The following TENM2 variants were observed in gnomAD, a reference collection of about 807,000 sequenced individuals.
TENM2 encodes the protein teneurin transmembrane protein 2.
A neutral mutation model predicts 245.2 loss-of-function variants in TENM2; 52 were observed. The observed-to-expected ratio is 0.21, with a 90% CI of 0.17 to 0.27. TENM2 has a LOEUF of 0.27. Among genes scored for constraint, TENM2 ranks in the 10% least tolerant of loss-of-function variants. The pLI, the probability that TENM2 is intolerant of heterozygous loss-of-function variation, is 1.00. For synonymous variants in TENM2, 1,363 were observed against 1,438.9 expected, an observed-to-expected ratio of 0.95 and a Z score of 1.19; for missense variants, 3,046 against 3,666.8, an observed-to-expected ratio of 0.83 and a Z score of 4.37.
chr5:167,917,947 T>A (rs1777072651), intron 3 of TENM2, among the ~76,000 whole-genome samples: 1 of 152,222 alleles, frequency 6.6e-6, no homozygotes, highest in Non-Finnish European at 1.5e-5. Context: ...ATTATTATTA[T>A]TATTGGTTAG....
In TENM2 at chr5:168,127,454, A is replaced by G. The variant is rs577015856; in HGVS notation, c.2422+488A>G. 1.6e-3 allele frequency among the ~76,000 whole-genome samples: 250 copies of G among 152,170 alleles called. 2 individuals are homozygous for G. The highest frequency in any genetic ancestry group is 5.9e-3 in the African/African-American group (245 of 41,502). On this transcript the variant is annotated intron_variant, in intron 12 of 28. Transcript: ENST00000518659. ...TAAGGTCCTGAGATTCCCCATCACC[A>G]CCACCGTCATTACATGTCTCCTCCT... is the stretch of plus-strand genomic sequence containing the variant.
At chr5:168,123,133 G>GAT (rs1795588022) in intron 10 of TENM2, among the ~76,000 whole-genome samples, 2 of 100,700 alleles carry the variant, frequency 2.0e-5, no homozygotes, top group African/African-American at 8.1e-5. Context: ...CCCATTTCTA[G>GAT]AGAAAAAAAA....
intron 14 of TENM2, among the ~76,000 whole-genome samples, chr5:168,194,595 A>G (rs745410551): frequency 1.3e-5 from 2 of 152,160 alleles, no homozygotes; most frequent in Non-Finnish European, 2.9e-5. Context: ...TTGAATGTGT[A>G]TATTGAAGGG....
At chr5:167,320,567 A>AT (rs34165797) in intron 1 of TENM2, among the ~76,000 whole-genome samples, 89,645 of 151,998 alleles carry the variant, frequency 0.59, 26,509 homozygotes, top group Admixed American at 0.64. Context: ...TTGTAACAGT[A>AT]TAAGAGCTGG....
At chr5:167,493,736 C>T (rs1005917446) in intron 2 of TENM2, among the ~76,000 whole-genome samples, 5 of 151,972 alleles carry the variant, frequency 3.3e-5, no homozygotes, top group Non-Finnish European at 7.4e-5. Flanking sequence ...TATATACACA[C>T]GTTTCTGTAG....
chr5:167,131,410 C>G, the TENM2 span, among the ~76,000 whole-genome samples: 1 of 152,094 alleles, frequency 6.6e-6, no homozygotes, highest in East Asian at 1.9e-4. Flanking sequence ...GATTGATATT[C>G]CCGATTGAGT....
At position 167,312,292 on chromosome 5, in the gene TENM2, T is replaced by G. The variant is rs114201854; in HGVS notation, c.226+27229T>G. Among the ~76,000 whole-genome samples the G allele has an allele frequency of 7.5e-3, 1,138 of 152,334 alleles. 16 individuals carry two copies. Among genetic ancestry groups the G allele is most frequent in the African/African-American group, 0.025 (1,057 of 41,578 alleles). ...AGAGTTTGTGCATACCATCACATGA[T>G]TTGACAGATGTGATGTGTTTTAATC... On this transcript the variant is annotated intron_variant, in intron 1 of 28. Transcript: ENST00000518659.
chr5:166,988,406 C>G, the TENM2 span, among the ~76,000 whole-genome samples: 4 of 152,176 alleles, frequency 2.6e-5, no homozygotes, highest in African/African-American at 9.7e-5. Flanking sequence ...TTGTTTATCT[C>G]TTACTGCCAG....
intron 2 of TENM2, among the ~76,000 whole-genome samples, chr5:167,580,647 A>C (rs1775023576): frequency 6.6e-6 from 1 of 152,248 alleles, no homozygotes. Context: ...CCACCTTCCA[A>C]GTCTGCAGAA....
intron 2 of TENM2, among the ~76,000 whole-genome samples, chr5:167,530,272 T>C (rs1771402566): frequency 1.3e-5 from 2 of 152,226 alleles, no homozygotes; most frequent in Admixed American, 1.3e-4. Flanking sequence ...AAGACTGTTC[T>C]AGAAGGAATA....
chr5:167,393,720 A>G (rs1761897089), intron 2 of TENM2, among the ~76,000 whole-genome samples: 1 of 152,176 alleles, frequency 6.6e-6, no homozygotes, highest in Non-Finnish European at 1.5e-5. Context: ...CCCATGTAAA[A>G]GGATAGCTCT....
At chr5:167,836,895 G>A (rs962771734) in intron 2 of TENM2, among the ~76,000 whole-genome samples, 4 of 152,050 alleles carry the variant, frequency 2.6e-5, no homozygotes, top group African/African-American at 7.2e-5. Context: ...ATCATGCTCG[G>A]TTTTCTGAGA....
At chr5:167,121,472 C>T in the TENM2 span, among the ~76,000 whole-genome samples, 1 of 152,104 alleles carries the variant, frequency 6.6e-6, no homozygotes, top group Non-Finnish European at 1.5e-5. Flanking sequence ...CTAAAAGTAG[C>T]TTGAGTGTTT....
In TENM2 at chr5:168,244,585, T is replaced by G. The variant is rs768324346; in HGVS notation, c.5686T>G (p.Phe1896Val). 5.0e-6 allele frequency: 8 copies of G among 1,608,934 alleles called. No homozygotes were observed. The highest frequency in any genetic ancestry group is 6.8e-6 in the Non-Finnish European group (8 of 1,176,704). ...GCTGGCAGCTGTCAACGTGTCATAC[T>G]TCTTCAATGGGCGCCTGGCTGGGCT... Residue 1896 changes from phenylalanine (F) to valine (V), a missense_variant, in exon 26 of 29, where the codon TTC becomes GTC. Phe to Val is a conservative substitution (Grantham distance 50). Transcript: ENST00000518659. The surrounding 1 kb of genome is among the most constrained non-coding windows in gnomAD (Gnocchi z 4.9).
the TENM2 span, among the ~76,000 whole-genome samples, chr5:167,143,878 A>G: frequency 1.3e-5 from 2 of 152,224 alleles, no homozygotes; most frequent in East Asian, 1.9e-4. Context: ...TATATACGAG[A>G]TGCAGTTGAC....
chr5:167,324,206 G>A (rs1756947666), intron 1 of TENM2, among the ~76,000 whole-genome samples: 1 of 152,180 alleles, frequency 6.6e-6, no homozygotes, highest in Non-Finnish European at 1.5e-5. Context: ...AACCATTATA[G>A]AAGGCCACCA....
intron 2 of TENM2, among the ~76,000 whole-genome samples, chr5:167,775,937 A>G (rs1043316646): frequency 1.3e-5 from 2 of 152,204 alleles, no homozygotes; most frequent in African/African-American, 4.8e-5. Flanking sequence ...GTAAATAAAT[A>G]TTATTTTGAA....
At chr5:167,746,155 G>T (rs6891311) in intron 2 of TENM2, among the ~76,000 whole-genome samples, 7 of 151,862 alleles carry the variant, frequency 4.6e-5, no homozygotes, top group African/African-American at 1.7e-4. Flanking sequence ...ATTCAACCCC[G>T]TACACTTCGG....
the TENM2 span, among the ~76,000 whole-genome samples, chr5:167,191,270 A>C: frequency 2.0e-5 from 3 of 152,084 alleles, no homozygotes. Context: ...ATAATATTTC[A>C]TTTACAAAAT....
Sources: allele counts gnomAD v4.1 joint callset (sites outside exome capture counted in the v4.1 genomes callset), GRCh38; gene constraint gnomAD v4.1.1; non-coding constraint Gnocchi (gnomAD v3.1); transcripts MANE v1.5; gene names NCBI Gene and HGNC (gene_info 2026-07-23, HGNC 2026-07-21).